The following CAMTA1 variants were observed in gnomAD, a reference collection of about 807,000 sequenced individuals.
CAMTA1 encodes the protein calmodulin-binding transcription activator 1.
CAMTA1 carries 27 observed loss-of-function variants against 170.9 expected under a neutral mutation model. The ratio of observed to expected loss-of-function variants is 0.16; its 90% CI spans 0.12 to 0.22. CAMTA1 has a LOEUF of 0.22. Among genes scored for constraint, CAMTA1 ranks in the 10% least tolerant of loss-of-function variants. The pLI, the probability that CAMTA1 is intolerant of heterozygous loss-of-function variation, is 1.00. For synonymous variants in CAMTA1, 833 were observed against 891.5 expected (o/e 0.93, Z 1.17); for missense variants, 1,619 against 2,217.2 (o/e 0.73, Z 5.42).
At chr1:7,496,003 C>G (rs1430636634) in intron 6 of CAMTA1, among the ~76,000 whole-genome samples, 2 of 152,158 alleles carry the variant, frequency 1.3e-5, no homozygotes, top group African/African-American at 2.4e-5. Flanking sequence ...GCCCTCTGAA[C>G]TGGGGAACCA....
intron 3 of CAMTA1, among the ~76,000 whole-genome samples, chr1:6,988,616 C>T (rs535554183): frequency 1.4e-3 from 208 of 151,712 alleles, no homozygotes; most frequent in Middle Eastern, 0.014. Context: ...CCTACCCCTG[C>T]GCCACGGCAG....
chr1:7,410,367 G>A (rs945534673), intron 5 of CAMTA1, among the ~76,000 whole-genome samples: 2 of 152,170 alleles, frequency 1.3e-5, no homozygotes, highest in African/African-American at 4.8e-5. Flanking sequence ...ACCCCTCACC[G>A]TCACCTGGCT....
intron 3 of CAMTA1, among the ~76,000 whole-genome samples, chr1:6,948,878 A>G (rs569435824): frequency 6.6e-6 from 1 of 152,342 alleles, no homozygotes; most frequent in South Asian, 2.1e-4. Flanking sequence ...TTAAAGGGAA[A>G]CAAAGATGGA....
chr1:7,358,775 C>T (rs1028255384), intron 5 of CAMTA1, among the ~76,000 whole-genome samples: 1 of 152,204 alleles, frequency 6.6e-6, no homozygotes, highest in Non-Finnish European at 1.5e-5. Flanking sequence ...TTGCTGTTTC[C>T]AGACCTAATG....
intron 22 of CAMTA1, among the ~76,000 whole-genome samples, chr1:7,759,539 G>A (rs1004229971): frequency 2.6e-5 from 4 of 151,896 alleles, no homozygotes; most frequent in Non-Finnish European, 5.9e-5. Flanking sequence ...TCTGTTTTTT[G>A]TCTTGGACAC....
intron 1 of CAMTA1, among the ~76,000 whole-genome samples, chr1:6,794,367 T>C (rs1641929740): frequency 6.6e-6 from 1 of 152,216 alleles, no homozygotes; most frequent in Non-Finnish European, 1.5e-5. Context: ...CTTTCAAAGA[T>C]ATTTGTGGTG....
At position 7,641,398 on chromosome 1, in the gene CAMTA1, G is replaced by A. The variant is rs376878379; in HGVS notation, c.664+845G>A. Among the ~76,000 whole-genome samples the A allele has an allele frequency of 3.9e-5, 6 of 152,202 alleles. No individual in the cohort carries two copies. Among genetic ancestry groups the A allele is most frequent in the African/African-American group, 1.4e-4 (6 of 41,458 alleles). ...TGGGTCAGTGGCTCACTCAGAAGCA[G>A]AACTGTCCCTGGAGCTGGGCTGGAG... On this transcript the variant is annotated intron_variant, in intron 7 of 22. Coordinates refer to ENST00000303635, the MANE Select transcript of CAMTA1 (RefSeq NM_015215.4). The surrounding 1 kb of genome is among the most constrained non-coding windows in gnomAD (Gnocchi z 4.5).
chr1:7,711,261 T>G (rs562615686), intron 11 of CAMTA1, among the ~76,000 whole-genome samples: 4 of 152,178 alleles, frequency 2.6e-5, no homozygotes, highest in Non-Finnish European at 4.4e-5. Flanking sequence ...ATGAAGGCTG[T>G]ACTCTCAAGA....
intron 5 of CAMTA1, among the ~76,000 whole-genome samples, chr1:7,446,387 A>T (rs1425363539): frequency 6.6e-6 from 1 of 152,180 alleles, no homozygotes; most frequent in Non-Finnish European, 1.5e-5. Context: ...ACAATATTTG[A>T]TCACAAAAGC....
chr1:7,184,016 T>C (rs1558217363), intron 4 of CAMTA1, among the ~76,000 whole-genome samples: 2 of 151,948 alleles, frequency 1.3e-5, no homozygotes, highest in Non-Finnish European at 2.9e-5. Context: ...AAAGAAAACA[T>C]GGTACATCTA....
rs183317080 is a variant in CAMTA1 at position 6,820,675 on chromosome 1, C to G, written c.115+425C>G. ...AATTAATCTGAGCCTCATGTTCCTC[C>G]TCTGTAAAATGGGAGTAATTAAGCC... is the stretch of plus-strand genomic sequence containing the variant. On this transcript the variant is annotated intron_variant, in intron 2 of 22. Transcript: ENST00000303635. Among the ~76,000 whole-genome samples the G allele has an allele frequency of 2.0e-3, 297 of 152,066 alleles. 1 individual carries two copies. The highest frequency in any genetic ancestry group is 6.9e-3 in the African/African-American group (286 of 41,360).
rs186607755 is a variant in CAMTA1 at position 7,057,153 on chromosome 1, T to C, written c.235-34151T>C. Among the ~76,000 whole-genome samples the C allele has an allele frequency of 1.6e-3, 242 of 152,282 alleles. 1 individual carries two copies. Among genetic ancestry groups the C allele is most frequent in the African/African-American group, 5.5e-3 (230 of 41,576 alleles). On this transcript the variant is annotated intron_variant, in intron 3 of 22. Transcript: ENST00000303635. ...CCTGAGATGGGGGTCTGGGCTCCTT[T>C]CTATGTGTTTGCAATCCAAGGTCCT...
chr1:7,205,263 C>G (rs1657520240), intron 4 of CAMTA1, among the ~76,000 whole-genome samples: 1 of 152,060 alleles, frequency 6.6e-6, no homozygotes, highest in Non-Finnish European at 1.5e-5. Flanking sequence ...GCCACCATGC[C>G]TGGCTAATTT....
At position 7,561,150 on chromosome 1, in the gene CAMTA1, G is replaced by T. The variant is rs1316018080; in HGVS notation, c.511-79250G>T. Among the ~76,000 whole-genome samples the T allele has an allele frequency of 6.6e-6, 1 of 152,114 alleles. No individual in the cohort carries two copies. Among genetic ancestry groups the T allele is most frequent in the Admixed American group, 6.5e-5 (1 of 15,286 alleles). ...CCAGGCATGGCCAGGGGCTGGCCGA[G>T]GGGGGCCGGTGGGTGGTGAATGAAG... On this transcript the variant is annotated intron_variant, in intron 6 of 22. Transcript: ENST00000303635. This position sits in a 1 kb window ranked among gnomAD's most constrained non-coding sequence, Gnocchi z 5.3.
chr1:6,992,089 T>C (rs975929895), intron 3 of CAMTA1, among the ~76,000 whole-genome samples: 10 of 151,928 alleles, frequency 6.6e-5, no homozygotes, highest in Non-Finnish European at 1.5e-4. Context: ...TATTTATTTT[T>C]GAGCTAGTCT....
intron 6 of CAMTA1, among the ~76,000 whole-genome samples, chr1:7,531,117 A>G (rs1167586985): frequency 7.0e-6 from 1 of 143,706 alleles, no homozygotes; most frequent in African/African-American, 2.5e-5. Context: ...GCGCCTGGCC[A>G]GTAACCTCTT....
intron 16 of CAMTA1, among the ~76,000 whole-genome samples, chr1:7,741,439 TG>T (rs1191136118): frequency 2.0e-5 from 3 of 151,904 alleles, no homozygotes; most frequent in East Asian, 1.9e-4. Context: ...GGCGGGCACC[TG>T]TAGTCCCAGT....
At chr1:7,280,230 A>G (rs72863536) in intron 5 of CAMTA1, among the ~76,000 whole-genome samples, 5,153 of 152,312 alleles carry the variant, frequency 0.034, 247 homozygotes, top group African/African-American at 0.11. Flanking sequence ...CCTTTGCCCC[A>G]TCTGGCTCGC....
chr1:7,546,284 G>A (rs2094692196), intron 6 of CAMTA1, among the ~76,000 whole-genome samples: 1 of 152,158 alleles, frequency 6.6e-6, no homozygotes, highest in Non-Finnish European at 1.5e-5. Context: ...TTAGTTTGCT[G>A]AGGATAACAG....
Sources: allele counts gnomAD v4.1 joint callset (sites outside exome capture counted in the v4.1 genomes callset), GRCh38; gene constraint gnomAD v4.1.1; non-coding constraint Gnocchi (gnomAD v3.1); transcripts MANE v1.5; gene names NCBI Gene and HGNC (gene_info 2026-07-23, HGNC 2026-07-21).